Variants in IGFN1 observed in about 807,000 individuals in gnomAD.
IGFN1 encodes immunoglobulin-like and fibronectin type III domain-containing protein 1.
IGFN1 carries 253 observed loss-of-function variants against 289.5 expected under a neutral mutation model. That is an observed-to-expected ratio of 0.87 (90% CI 0.79 to 0.97). The LOEUF (loss-of-function observed/expected upper bound fraction) is 0.97, where lower values mean the gene tolerates loss of function less well. Ranked by LOEUF, IGFN1 falls within the 50% of genes least tolerant of loss-of-function variation. The pLI is 0.00. For synonymous variants in IGFN1, 1,706 were observed against 1,788.5 expected (o/e 0.95, Z 1.16); for missense variants, 4,470 against 4,686.1 (o/e 0.95, Z 1.35).
chr1:201,204,947 AC>A, intron 10 of IGFN1, 134 bp from the exon 11 acceptor site: 1 of 792,174 alleles, frequency 1.3e-6, no homozygotes, highest in Non-Finnish European at 2.0e-6. Flanking sequence ...TCCAGAGGTG[AC>A]CTGTCCAAGG....
rs564384129 is a variant in IGFN1, at chr1:201,214,058, A to T, written c.8729-119A>T. ...GAGCCAAGATAGCATAGGTGCTGGG[A>T]ACCAGCCCTGCTGACACCAGCCAAG... is the stretch of plus-strand genomic sequence containing the variant. On this transcript the variant is annotated intron_variant, in intron 12 of 23. Transcript: ENST00000335211. The T allele has an allele frequency of 8.2e-4, 864 of 1,051,382 alleles. 3 individuals are homozygous for T. Among genetic ancestry groups the T allele is most frequent in the South Asian group, 1.3e-3 (72 of 57,150 alleles). 65.1% of individuals were successfully genotyped at this position (1,051,382 alleles called of 1,614,324 possible).
chr1:201,223,294 T>C (rs1022613424), intron 20 of IGFN1, among the ~76,000 whole-genome samples: 11 of 152,222 alleles, frequency 7.2e-5, no homozygotes, highest in Non-Finnish European at 1.2e-4. Flanking sequence ...AAGTACAAAC[T>C]GCCTGGGTTC....
At position 201,208,448 on chromosome 1, in the gene IGFN1, T is replaced by C; in HGVS notation, c.3555T>C (p.Asp1185=). ...GAGCTGGAGCTGGTTATAGGGATGA[T>C]ACCAGGCACCCTGAGTCACTCGCAC... ...ASGAGAGYRD[D]TRHPESLAPH... is the part of the protein sequence containing the mutation. The change falls in exon 12 of 24, where the codon GAT becomes GAC. Residue 1185 remains aspartate, a synonymous_variant. Coordinates refer to ENST00000335211, the MANE Select transcript of IGFN1 (RefSeq NM_001164586.2). 6.9e-7 allele frequency: 1 copy of C among 1,446,198 alleles called. No homozygotes were observed. Among genetic ancestry groups the C allele is most frequent in the East Asian group, 2.5e-5 (1 of 40,290 alleles). The allele number at this position is 1,446,198 out of a possible 1,614,324, so 89.6% of individuals were successfully genotyped here. A position where few individuals can be genotyped will look rare whatever the true frequency, so the allele number is the denominator to read the frequency against.
In IGFN1 at chr1:201,201,796, T is replaced by G; in HGVS notation, c.711T>G (p.Asp237Glu). 1 of 1,544,074 alleles carries G rather than the reference T, an allele frequency of 6.5e-7. No individual in the cohort carries two copies. Among genetic ancestry groups the G allele is most frequent in the Non-Finnish European group, 8.8e-7 (1 of 1,140,552 alleles). ...DGNAKFDLEL[D>E]LKDSQSKIYL... Reference sequence around the variant, plus strand: ...ATGCAAAGTTTGACTTGGAGCTGGATCTCAAGGATTCTCAGAGCAAGATTT... The same window carrying G: ...ATGCAAAGTTTGACTTGGAGCTGGAGCTCAAGGATTCTCAGAGCAAGATTT... The change falls in exon 9 of 24, where the codon GAT becomes GAG. Residue 237 changes from aspartate (D) to glutamate (E), a missense_variant. By Grantham distance (45) the Asp-to-Glu change is conservative (BLOSUM62 2). This residue lies in a region of IGFN1 where 2,011 missense variants were observed against 1,953.4 expected (regional missense o/e 1.03). Transcript: ENST00000335211.
rs373107925 is a variant in IGFN1, at chr1:201,225,811, G to A, written c.10487-13G>A. On this transcript the variant is annotated splice_polypyrimidine_tract_variant and intron_variant, in intron 21 of 23. Transcript: ENST00000335211. ...CCCCTCCACGTGACCTCCCTCTGCC[G>A]TCTCTCCTGAAGCATGCCCGCAGGC... 1,278 of 1,600,302 alleles carry A rather than the reference G, an allele frequency of 8.0e-4. No homozygotes were observed. Among genetic ancestry groups the A allele is most frequent in the Non-Finnish European group, 1.0e-3 (1,212 of 1,174,646 alleles).
chr1:201,226,161 G>A, intron 22 of IGFN1, 38 bp downstream of exon 22: 2 of 1,532,764 alleles, frequency 1.3e-6, no homozygotes, highest in South Asian at 1.3e-5. Context: ...GGCAGGGTGG[G>A]GGTTGCGCTC....
chr1:201,192,232 A>G (rs2102312622), intron 1 of IGFN1, among the ~76,000 whole-genome samples: 1 of 152,346 alleles, frequency 6.6e-6, no homozygotes, highest in East Asian at 1.9e-4. Context: ...GCGAAATGGA[A>G]TGATCTCCAT....
rs150011214 is a variant in IGFN1, at chr1:201,211,612, G to C, written c.6719G>C (p.Gly2240Ala). 1.9e-3 allele frequency: 2,908 copies of C among 1,535,176 alleles called. 45 individuals are homozygous for C. In the African/African-American group the frequency reaches 0.035, roughly 19 times the overall value. Residue 2240 changes from glycine to alanine, a missense_variant, in exon 12 of 24, where the codon GGG (glycine) becomes GCG (alanine). Around this residue, in one of 8 missense-constraint regions of IGFN1, gnomAD observed 2,218 missense variants for 2,114.1 expected, o/e 1.05. Coordinates refer to ENST00000335211, the MANE Select transcript of IGFN1 (RefSeq NM_001164586.2). ...TTCAGGGATGGTTTAGGGAGTTCTG[G>C]GGAAATGGGGTCAATGGATGAGGCA... Reference protein sequence around the residue: ...AGFRDGLGSSGEMGSMDEADY... With the variant: ...AGFRDGLGSSAEMGSMDEADY...
chr1:201,223,671 C>A (rs1225307061), intron 20 of IGFN1, among the ~76,000 whole-genome samples: 2 of 152,110 alleles, frequency 1.3e-5, no homozygotes, highest in Admixed American at 6.5e-5. Flanking sequence ...CTGTGCCCAG[C>A]CAGAACAAAT....
intron 16 of IGFN1, 142 bp from the exon 17 acceptor site, chr1:201,217,145 G>T: frequency 1.4e-6 from 1 of 699,122 alleles, no homozygotes. Context: ...GACCTAGGGC[G>T]GGCTGCCTCA....
At chr1:201,223,023 C>T (rs1335761914) in intron 20 of IGFN1, 196 bp downstream of exon 20, 2 of 424,920 alleles carry the variant, frequency 4.7e-6, no homozygotes, top group Non-Finnish European at 8.4e-6. Flanking sequence ...GAAGGTACTG[C>T]CCTCACTTGG....
At chr1:201,201,438 C>G (rs1252557999) in intron 8 of IGFN1, among the ~76,000 whole-genome samples, 3 of 152,176 alleles carry the variant, frequency 2.0e-5, no homozygotes, top group Admixed American at 6.5e-5. Context: ...GGTAGGTGTT[C>G]AACTAATGTT....
chr1:201,191,466 G>A (rs531121745), intron 1 of IGFN1, among the ~76,000 whole-genome samples: 21 of 152,286 alleles, frequency 1.4e-4, no homozygotes, highest in Non-Finnish European at 2.9e-4. Context: ...AGTGCTGAGA[G>A]TGTTGTTGGG....
rs1280467245 is a variant in IGFN1 at position 201,207,572 on chromosome 1, T to C, written c.2679T>C (p.Ala893=). Residue 893 remains alanine (A), a synonymous_variant, in exon 12 of 24, where the codon GCT becomes GCC. Transcript: ENST00000335211. ...VDARSHWLSR[A]PGLGAQGSGG... The stretch of plus-strand genomic sequence containing the variant: ...CCAGAAGCCACTGGCTAAGTAGGGC[T>C]CCAGGCCTGGGTGCTCAGGGATCTG... 1 of 1,536,748 alleles carries C rather than the reference T, an allele frequency of 6.5e-7. No individual in the cohort carries two copies. The highest frequency in any genetic ancestry group is 1.4e-5 in the African/African-American group (1 of 72,974).
chr1:201,211,120 C>A lies in IGFN1; in HGVS notation c.6227C>A (p.Ala2076Asp). ...NEAGYRKDLG[A>D]PKGMGSGSKT... Reference sequence around the variant, plus strand: ...GCAGGTTATAGGAAGGATTTAGGGGCTCCTAAGGGAATGGGTTCAGGGAGT... The same window carrying A: ...GCAGGTTATAGGAAGGATTTAGGGGATCCTAAGGGAATGGGTTCAGGGAGT... Residue 2076 changes from alanine to aspartate, a missense_variant, in exon 12 of 24, where the codon GCT (alanine) becomes GAT (aspartate). Around this residue, in one of 8 missense-constraint regions of IGFN1, gnomAD observed 2,218 missense variants for 2,114.1 expected, o/e 1.05. Transcript: ENST00000335211. 2.6e-6 allele frequency: 4 copies of A among 1,523,738 alleles called. No individual in the cohort carries two copies. Among genetic ancestry groups the A allele is most frequent in the Non-Finnish European group, 3.5e-6 (4 of 1,139,860 alleles). 94.4% of individuals were successfully genotyped at this position (1,523,738 alleles called of 1,614,324 possible). A position where few individuals can be genotyped will look rare whatever the true frequency, so the allele number is the denominator to read the frequency against.
In IGFN1 at chr1:201,211,924, C is replaced by A; in HGVS notation, c.7031C>A (p.Ser2344Ter). The A allele has an allele frequency of 6.5e-7, 1 of 1,526,848 alleles. No individual in the cohort carries two copies. Among genetic ancestry groups the A allele is most frequent in the African/African-American group, 1.4e-5 (1 of 72,776 alleles). 94.6% of individuals were successfully genotyped at this position (1,526,848 alleles called of 1,614,324 possible). Residue 2344 changes from serine to a stop codon, truncating the protein, a stop_gained, in exon 12 of 24, where the codon TCA becomes TAA. Transcript: ENST00000335211. LOFTEE classifies it high-confidence loss of function. Reference sequence around the variant, plus strand: ...AGTGAGGTCAGTTATAGAGGAGGCTCAGGAGGATCTGGGGAAACGGGACCA... The same window carrying A: ...AGTGAGGTCAGTTATAGAGGAGGCTAAGGAGGATCTGGGGAAACGGGACCA... ...SGSEVSYRGG[S>*]GGSGETGPEG...
Position 201,207,075 on chromosome 1 carries a change from C to T in IGFN1, c.2182C>T (p.Gln728Ter). The change falls in exon 12 of 24, where the codon CAG (glutamine) becomes TAG (stop). Residue 728 changes from glutamine to a stop codon, truncating the protein, a stop_gained. Transcript: ENST00000335211. LOFTEE classifies it high-confidence loss of function. ...LEQIPGGKDF[Q>*]EPSISGGRKF... The stretch of plus-strand genomic sequence containing the variant: ...ACAGATACCTGGAGGCAAGGACTTC[C>T]AGGAACCATCAATATCAGGTGGTAG... 6.5e-7 allele frequency: 1 copy of T among 1,536,976 alleles called. No homozygotes were observed. The highest frequency in any genetic ancestry group is 8.7e-7 in the Non-Finnish European group (1 of 1,146,850).
chr1:201,196,709 T>A (rs1666936914), intron 4 of IGFN1, among the ~76,000 whole-genome samples: 1 of 152,166 alleles, frequency 6.6e-6, no homozygotes, highest in Non-Finnish European at 1.5e-5. Context: ...CTATAGTGAG[T>A]ACTCAATCAA....
chr1:201,203,583 G>A (rs528193459), intron 9 of IGFN1, among the ~76,000 whole-genome samples, 155 bp from the exon 10 acceptor site: 75 of 152,286 alleles, frequency 4.9e-4, no homozygotes, highest in African/African-American at 1.7e-3. Context: ...AGGCCCTGCT[G>A]TCCACCCCAT....
Sources: allele counts gnomAD v4.1 joint callset (sites outside exome capture counted in the v4.1 genomes callset), GRCh38; gene constraint gnomAD v4.1.1; regional missense constraint gnomAD v4.1.1; transcripts MANE v1.5; gene names NCBI Gene and HGNC (gene_info 2026-07-23, HGNC 2026-07-21).